SNTG1: variants seen among roughly 807,000 people sequenced by gnomAD.
The protein encoded by SNTG1 is syntrophin gamma 1, also known as gamma-1-syntrophin.
Under a neutral mutation model 74.7 loss-of-function variants are expected in SNTG1, and 39 were observed. The observed-to-expected ratio is 0.52, with a 90% CI of 0.40 to 0.68. SNTG1 has a LOEUF of 0.68. SNTG1 is among the 30% of genes least tolerant of loss of function. The pLI is 0.00. For missense variants in SNTG1, 685 were observed against 609.5 expected (o/e 1.12, Z -1.30); for synonymous variants, 254 against 217.1 (o/e 1.17, Z -1.49).
Position 50,643,154 on chromosome 8 carries a change from G to A in SNTG1, c.850-13755G>A, listed in dbSNP as rs565300212. On this transcript the variant is annotated intron_variant, in intron 13 of 18. Transcript: ENST00000642720. Reference sequence around the variant, plus strand: ...GAAAAGTCAAACTCAGATAAAGAATGCATTTTAGATAACACTGAAACATGT... The same window carrying A: ...GAAAAGTCAAACTCAGATAAAGAATACATTTTAGATAACACTGAAACATGT... 1.1e-3 allele frequency among the ~76,000 whole-genome samples: 165 copies of A among 152,308 alleles called. 1 individual carries two copies. Among genetic ancestry groups the A allele is most frequent in the Middle Eastern group, 6.8e-3 (2 of 294 alleles).
chr8:50,789,182 C>T (rs928199070), intron 18 of SNTG1, among the ~76,000 whole-genome samples: 7 of 151,712 alleles, frequency 4.6e-5, no homozygotes, highest in African/African-American at 1.7e-4. Flanking sequence ...TTTTTGTTTC[C>T]ACTTCTCCAT....
intron 1 of SNTG1, among the ~76,000 whole-genome samples, chr8:49,964,211 G>C (rs1362250868): frequency 6.6e-6 from 1 of 152,178 alleles, no homozygotes; most frequent in East Asian, 1.9e-4. Context: ...TCTTCAAGTG[G>C]ATGACCACAT....
chr8:50,165,678 A>G (rs532338221), intron 1 of SNTG1, among the ~76,000 whole-genome samples: 1 of 152,290 alleles, frequency 6.6e-6, no homozygotes, highest in Non-Finnish European at 1.5e-5. Flanking sequence ...AGTGATTTGC[A>G]ACTATAATTT....
chr8:50,791,574 C>G (rs963006214), intron 18 of SNTG1, among the ~76,000 whole-genome samples: 15 of 151,740 alleles, frequency 9.9e-5, no homozygotes, highest in Non-Finnish European at 2.1e-4. Flanking sequence ...TACAATGTGT[C>G]ATAAAGTATT....
chr8:50,489,240 G>A (rs1479290754), intron 8 of SNTG1, among the ~76,000 whole-genome samples: 1 of 152,162 alleles, frequency 6.6e-6, no homozygotes, highest in African/African-American at 2.4e-5. Context: ...AAACATACGT[G>A]TGCATGTGTC....
At position 50,225,189 on chromosome 8, in the gene SNTG1, G is replaced by A. The variant is rs930704683; in HGVS notation, c.-28+52554G>A. 4.6e-5 allele frequency among the ~76,000 whole-genome samples: 7 copies of A among 152,148 alleles called. No homozygotes were observed. In the East Asian group the frequency reaches 9.7e-4, roughly 21 times the overall value. ...GGGTTTCACCATGTTAGACAGGATG[G>A]TCTTGATCTCCTGACCTCGTGATCC... On this transcript the variant is annotated intron_variant, in intron 2 of 18. Transcript: ENST00000642720.
At chr8:50,634,235 G>A (rs2095023811) in intron 13 of SNTG1, among the ~76,000 whole-genome samples, 1 of 152,158 alleles carries the variant, frequency 6.6e-6, no homozygotes, top group African/African-American at 2.4e-5. Context: ...GTTGCCAATA[G>A]CTTAGCTGTT....
chr8:50,117,124 C>A (rs1461280712), intron 1 of SNTG1, among the ~76,000 whole-genome samples: 5 of 151,842 alleles, frequency 3.3e-5, no homozygotes, highest in Non-Finnish European at 5.9e-5. Context: ...ATATTCCGTT[C>A]TTTCTGCTTG....
intron 1 of SNTG1, among the ~76,000 whole-genome samples, chr8:50,014,685 C>T (rs1325547674): frequency 6.6e-6 from 1 of 152,018 alleles, no homozygotes; most frequent in Non-Finnish European, 1.5e-5. Flanking sequence ...GATCTATAGG[C>T]AAGCAATGTA....
At chr8:50,682,172 G>A (rs1033333416) in intron 15 of SNTG1, among the ~76,000 whole-genome samples, 3 of 152,270 alleles carry the variant, frequency 2.0e-5, no homozygotes, top group African/African-American at 7.2e-5. Flanking sequence ...AAAGGTGAGG[G>A]CACACATGGA....
At chr8:50,700,413 A>C (rs901967585) in intron 15 of SNTG1, among the ~76,000 whole-genome samples, 3 of 152,220 alleles carry the variant, frequency 2.0e-5, no homozygotes, top group African/African-American at 7.2e-5. Context: ...TGATTGAGCT[A>C]TAGTCACTTT....
chr8:50,285,666 C>T (rs1257422722), intron 2 of SNTG1, among the ~76,000 whole-genome samples: 1 of 151,900 alleles, frequency 6.6e-6, no homozygotes, highest in Non-Finnish European at 1.5e-5. Context: ...AGATAAATGA[C>T]TAAATTGAGT....
chr8:50,102,885 T>A (rs1325437231), intron 1 of SNTG1, among the ~76,000 whole-genome samples: 5 of 149,278 alleles, frequency 3.3e-5, no homozygotes, highest in Non-Finnish European at 7.5e-5. Flanking sequence ...TGCGGCGTTA[T>A]TTCTGAGGGC....
chr8:50,107,637 G>C (rs561747646), intron 1 of SNTG1, among the ~76,000 whole-genome samples: 1 of 151,772 alleles, frequency 6.6e-6, no homozygotes, highest in African/African-American at 2.4e-5. Flanking sequence ...TGAAACCTCT[G>C]CTTCCTAGGT....
intron 16 of SNTG1, 96 bp from the exon 17 acceptor site, chr8:50,708,790 T>C: frequency 1.5e-6 from 1 of 675,244 alleles, no homozygotes; most frequent in Non-Finnish European, 2.6e-6. Context: ...AATTAGATAT[T>C]GTATGAAGTA....
At chr8:50,128,259 A>T (rs2081208022) in intron 1 of SNTG1, among the ~76,000 whole-genome samples, 1 of 152,170 alleles carries the variant, frequency 6.6e-6, no homozygotes, top group African/African-American at 2.4e-5. Flanking sequence ...AAATAGAGAC[A>T]TAGTCCAAGC....
At chr8:50,578,023 G>A (rs1274384697) in intron 12 of SNTG1, among the ~76,000 whole-genome samples, 1 of 152,166 alleles carries the variant, frequency 6.6e-6, no homozygotes, top group East Asian at 1.9e-4. Context: ...GATAGAAGTG[G>A]CATACAGTTT....
chr8:50,505,609 T>C (rs2093999528), intron 9 of SNTG1, among the ~76,000 whole-genome samples: 1 of 152,162 alleles, frequency 6.6e-6, no homozygotes, highest in Non-Finnish European at 1.5e-5. Flanking sequence ...TAATCAGTAA[T>C]CTTAAGCGTC....
At chr8:50,589,591 A>G (rs1272419714) in intron 12 of SNTG1, among the ~76,000 whole-genome samples, 1 of 96,158 alleles carries the variant, frequency 1.0e-5, no homozygotes, top group African/African-American at 1.3e-4. Flanking sequence ...TTTTCAGATT[A>G]AAAAAAAAAA....
Sources: allele counts gnomAD v4.1 joint callset (sites outside exome capture counted in the v4.1 genomes callset), GRCh38; gene constraint gnomAD v4.1.1; transcripts MANE v1.5; gene names NCBI Gene and HGNC (gene_info 2026-07-23, HGNC 2026-07-21).